Variants in PCOLCE2 observed in about 807,000 individuals in gnomAD.
PCOLCE2 encodes procollagen C-endopeptidase enhancer 2.
In PCOLCE2, 42 loss-of-function variants were observed where a neutral mutation model predicts 47.0. That is an observed-to-expected ratio of 0.89 (90% CI 0.70 to 1.16). PCOLCE2 has a LOEUF of 1.16. PCOLCE2 is among the 50% of genes most tolerant of loss of function. PCOLCE2 has a pLI of 0.00. For missense variants in PCOLCE2, 500 were observed against 526.1 expected, an observed-to-expected ratio of 0.95 and a Z score of 0.49; for synonymous variants, 169 against 191.7, an observed-to-expected ratio of 0.88 and a Z score of 0.98.
At chr3:142,879,766 G>A (rs949028370) in intron 2 of PCOLCE2, among the ~76,000 whole-genome samples, 4 of 152,002 alleles carry the variant, frequency 2.6e-5, no homozygotes, top group Non-Finnish European at 4.4e-5. Context: ...TCAGGAGATC[G>A]AGACCATCCT....
chr3:142,825,375 T>G (rs996325591), intron 6 of PCOLCE2, among the ~76,000 whole-genome samples: 24 of 152,142 alleles, frequency 1.6e-4, no homozygotes, highest in Non-Finnish European at 2.6e-4. Context: ...TCTGTCTCCT[T>G]GCCCTTCACT....
chr3:142,833,133 T>A (rs1937168898), intron 5 of PCOLCE2, among the ~76,000 whole-genome samples: 1 of 152,226 alleles, frequency 6.6e-6, no homozygotes, highest in Non-Finnish European at 1.5e-5. Context: ...ATTGTGTAGG[T>A]CTACATGTTT....
chr3:142,851,062 G>A (rs958273097), intron 2 of PCOLCE2, among the ~76,000 whole-genome samples: 1 of 152,178 alleles, frequency 6.6e-6, no homozygotes, highest in Non-Finnish European at 1.5e-5. Flanking sequence ...GATGTAGGTA[G>A]GTCAGTAAAT....
At chr3:142,836,823 A>C (rs1204707646) in intron 5 of PCOLCE2, among the ~76,000 whole-genome samples, 1 of 152,108 alleles carries the variant, frequency 6.6e-6, no homozygotes, top group Non-Finnish European at 1.5e-5. Flanking sequence ...AGGGTTAATA[A>C]ATGGAGGAAA....
At position 142,873,318 on chromosome 3, in the gene PCOLCE2, G is replaced by A. The variant is rs1381007456; in HGVS notation, c.192+14351C>T. On this transcript the variant is annotated intron_variant, in intron 2 of 8. Coordinates refer to ENST00000295992, the MANE Select transcript of PCOLCE2 (RefSeq NM_013363.4). ...TGAGGCAGGAAAATCACTTGAACCC[G>A]GGAGGCAGAGGTTGCAGTGAGACAA... Among the ~76,000 whole-genome samples the A allele has an allele frequency of 2.6e-5, 4 of 151,242 alleles. No individual in the cohort carries two copies. In the East Asian group the frequency reaches 5.8e-4, roughly 22 times the overall value.
At chr3:142,820,789 A>G in intron 8 of PCOLCE2, 89 bp downstream of exon 8, 2 of 1,095,462 alleles carry the variant, frequency 1.8e-6, no homozygotes, top group South Asian at 1.7e-5. Flanking sequence ...AGTGGGCAAC[A>G]TATTAGCCCT....
intron 8 of PCOLCE2, among the ~76,000 whole-genome samples, chr3:142,819,583 A>G (rs145294264): frequency 3.2e-4 from 48 of 152,352 alleles, no homozygotes; most frequent in African/African-American, 9.6e-4. Context: ...GAGACTCAAC[A>G]TGAGGCTACT....
chr3:142,830,707 C>T (rs568883347), intron 5 of PCOLCE2, among the ~76,000 whole-genome samples: 71 of 152,258 alleles, frequency 4.7e-4, no homozygotes, highest in African/African-American at 1.6e-3. Flanking sequence ...TACTATATTA[C>T]ACAAGATAGT....
intron 2 of PCOLCE2, among the ~76,000 whole-genome samples, chr3:142,863,429 A>C (rs543245727): frequency 6.6e-6 from 1 of 152,352 alleles, no homozygotes; most frequent in East Asian, 1.9e-4. Context: ...GGCAGTTAGA[A>C]TGATGGTTTC....
Sources: gnomAD v4.1 joint callset for allele counts (sites outside exome capture counted in the v4.1 genomes callset) on GRCh38, gnomAD v4.1.1 for gene constraint, MANE v1.5 for transcripts, NCBI Gene and HGNC (gene_info 2026-07-23, HGNC 2026-07-21) for gene names.